Variants in STXBP5 observed in about 807,000 individuals in gnomAD.
STXBP5 encodes syntaxin-binding protein 5.
A neutral mutation model predicts 152.4 loss-of-function variants in STXBP5; 50 were observed. That is an observed-to-expected ratio of 0.33 (90% CI 0.26 to 0.42). The LOEUF is 0.42. Ranked by LOEUF, STXBP5 falls within the 10% of genes least tolerant of loss-of-function variation. The pLI is 1.00. For missense variants in STXBP5, 1,167 were observed against 1,388.6 expected (o/e 0.84, Z 2.54); for synonymous variants, 492 against 494.7 (o/e 0.99, Z 0.07).
intron 26 of STXBP5, among the ~76,000 whole-genome samples, chr6:147,378,943 T>A (rs1416099987): frequency 3.9e-5 from 6 of 152,152 alleles, no homozygotes; most frequent in Admixed American, 1.3e-4. Flanking sequence ...TTCCCATGGC[T>A]GTGTTTCTTG....
At chr6:147,375,410 T>C (rs1409277632) in intron 26 of STXBP5, among the ~76,000 whole-genome samples, 1 of 151,946 alleles carries the variant, frequency 6.6e-6, no homozygotes, top group African/African-American at 2.4e-5. Context: ...AAAAACCCAA[T>C]AGATAGGCTT....
At chr6:147,358,063 G>A (rs900391894) in intron 22 of STXBP5, among the ~76,000 whole-genome samples, 2 of 152,142 alleles carry the variant, frequency 1.3e-5, no homozygotes, top group Non-Finnish European at 2.9e-5. Flanking sequence ...AAAGGAATTT[G>A]CCTGGTATCA....
chr6:147,269,428 T>C (rs1051271379), intron 7 of STXBP5, among the ~76,000 whole-genome samples: 1 of 152,080 alleles, frequency 6.6e-6, no homozygotes, highest in Non-Finnish European at 1.5e-5. Flanking sequence ...TAGAAGAATA[T>C]GAATAGTAGC....
At position 147,204,731 on chromosome 6, in the gene STXBP5, T is replaced by G. The variant is rs1045199674; in HGVS notation, c.150+49T>G. 5 of 1,516,646 alleles carry G rather than the reference T, an allele frequency of 3.3e-6. No individual in the cohort carries two copies. The highest frequency in any genetic ancestry group is 2.8e-5 in the African/African-American group (2 of 71,060). The allele number at this position is 1,516,646 out of a possible 1,614,324, so 93.9% of individuals were successfully genotyped here. A position where few individuals can be genotyped will look rare whatever the true frequency, so the allele number is the denominator to read the frequency against. Reference sequence around the variant, plus strand: ...GACACCGTCATTGAAAAATTGGGGTTGTTTTAAGGGGGCTACTCGGGCTTT... The same window carrying G: ...GACACCGTCATTGAAAAATTGGGGTGGTTTTAAGGGGGCTACTCGGGCTTT... On this transcript the variant is annotated intron_variant, in intron 1 of 27. Transcript: ENST00000321680. The surrounding 1 kb of genome is among the most constrained non-coding windows in gnomAD (Gnocchi z 4.3).
intron 18 of STXBP5, among the ~76,000 whole-genome samples, chr6:147,333,589 T>C (rs567289968): frequency 1.3e-4 from 20 of 152,298 alleles, no homozygotes; most frequent in African/African-American, 4.6e-4. Context: ...AAAAAACTAA[T>C]ATGTGCCTCA....
chr6:147,256,206 T>C (rs1779354846), intron 4 of STXBP5, among the ~76,000 whole-genome samples: 1 of 152,226 alleles, frequency 6.6e-6, no homozygotes, highest in Admixed American at 6.5e-5. Flanking sequence ...CCACTGCTGC[T>C]GCTCCATAAG....
At position 147,334,167 on chromosome 6, in the gene STXBP5, T is replaced by G; in HGVS notation, c.2091T>G (p.Cys697Trp). 1 of 1,612,890 alleles carries G rather than the reference T, an allele frequency of 6.2e-7. No homozygotes were observed. The highest frequency in any genetic ancestry group is 8.5e-7 in the Non-Finnish European group (1 of 1,179,542). ...KSRQPSGAGLCDISEGTVVPE... is the reference protein window; with the variant it reads ...KSRQPSGAGLWDISEGTVVPE... ...GTTTTTGTTTTGTAGCCGGTCTGTG[T>G]GATATTAGTGAAGGGACTGTTGTTC... The change falls in exon 19 of 28, where the codon TGT becomes TGG. Residue 697 changes from cysteine (C) to tryptophan (W), a missense_variant. This residue lies in a region of STXBP5 where 833 missense variants were observed against 986.3 expected (regional missense o/e 0.84). Coordinates refer to ENST00000321680, the MANE Select transcript of STXBP5 (RefSeq NM_001127715.4).
chr6:147,315,745 T>C lies in STXBP5; in HGVS notation c.1623+10T>C. 1 of 1,594,892 alleles carries C rather than the reference T, an allele frequency of 6.3e-7. No individual in the cohort carries two copies. The highest frequency in any genetic ancestry group is 1.1e-5 in the South Asian group (1 of 90,254). On this transcript the variant is annotated intron_variant, in intron 15 of 27. Coordinates refer to ENST00000321680, the MANE Select transcript of STXBP5 (RefSeq NM_001127715.4). Reference sequence around the variant, plus strand: ...CACAGAAGTCATTCCGGTAATAACGTCTTAGTTATTTTCATGGTCAAGTTA... The same window carrying C: ...CACAGAAGTCATTCCGGTAATAACGCCTTAGTTATTTTCATGGTCAAGTTA...
intron 4 of STXBP5, among the ~76,000 whole-genome samples, chr6:147,248,540 A>G (rs1201042483): frequency 2.0e-5 from 3 of 152,166 alleles, no homozygotes; most frequent in Non-Finnish European, 4.4e-5. Context: ...TGTTAGTTAG[A>G]TTGTGATGCA....
intron 4 of STXBP5, among the ~76,000 whole-genome samples, chr6:147,239,472 T>A (rs186560734): frequency 6.6e-6 from 1 of 152,340 alleles, no homozygotes; most frequent in African/African-American, 2.4e-5. Context: ...TAAATTTCTT[T>A]TGTGTCCTTC....
intron 23 of STXBP5, among the ~76,000 whole-genome samples, chr6:147,361,938 G>C (rs183691966): frequency 6.6e-6 from 1 of 152,156 alleles, no homozygotes; most frequent in African/African-American, 2.4e-5. Flanking sequence ...CTACAAAGCT[G>C]CTTAAAATAG....
intron 9 of STXBP5, among the ~76,000 whole-genome samples, chr6:147,302,901 A>G (rs1248441336): frequency 2.0e-5 from 3 of 152,188 alleles, no homozygotes; most frequent in South Asian, 2.1e-4. Context: ...CATAGTAAAT[A>G]CAAATATAGG....
intron 2 of STXBP5, among the ~76,000 whole-genome samples, chr6:147,226,298 C>CA (rs58977863): frequency 0.1 from 9,309 of 90,378 alleles, 390 homozygotes; most frequent in African/African-American, 0.17. Flanking sequence ...GATACCCTTA[C>CA]AAAAAAAAAA....
At chr6:147,238,152 G>T (rs1259768907) in intron 3 of STXBP5, among the ~76,000 whole-genome samples, 1 of 152,114 alleles carries the variant, frequency 6.6e-6, no homozygotes, top group African/African-American at 2.4e-5. Flanking sequence ...TATAAAGAAA[G>T]AAATTTATTT....
At chr6:147,216,376 A>T (rs1242867456) in intron 2 of STXBP5, among the ~76,000 whole-genome samples, 2 of 152,208 alleles carry the variant, frequency 1.3e-5, no homozygotes. Context: ...TGAGCGATAG[A>T]GTGAGACTCC....
At chr6:147,291,057 A>G (rs1244232664) in intron 8 of STXBP5, 37 bp from the exon 9 acceptor site, 2 of 1,500,044 alleles carry the variant, frequency 1.3e-6, no homozygotes, top group Non-Finnish European at 1.8e-6. Context: ...AGAGTAACTT[A>G]GAATTTTAGA....
chr6:147,309,245 A>G lies in STXBP5; in HGVS notation c.918-839A>G, dbSNP rs1438841475. 3.9e-5 allele frequency among the ~76,000 whole-genome samples: 6 copies of G among 152,298 alleles called. 1 individual carries two copies. In the South Asian group the frequency reaches 1.2e-3, roughly 32 times the overall value. ...TAGATACACTGACCTTAGATTAAGC[A>G]TTTAAAAACTAAGAAATCATAAATG... On this transcript the variant is annotated intron_variant, in intron 9 of 27. Coordinates refer to ENST00000321680, the MANE Select transcript of STXBP5 (RefSeq NM_001127715.4).
chr6:147,360,549 A>T (rs1785017851), intron 23 of STXBP5, among the ~76,000 whole-genome samples: 1 of 152,172 alleles, frequency 6.6e-6, no homozygotes, highest in African/African-American at 2.4e-5. Context: ...TAAAAGTTAC[A>T]ATAATGCATT....
intron 6 of STXBP5, among the ~76,000 whole-genome samples, chr6:147,265,910 TAA>T (rs551469232): frequency 6.9e-6 from 1 of 145,716 alleles, no homozygotes; most frequent in Admixed American, 6.9e-5. Context: ...TCCTTCGAAT[TAA>T]AAAAAAAAAG....
Sources: gnomAD v4.1 joint callset for allele counts (sites outside exome capture counted in the v4.1 genomes callset) on GRCh38, gnomAD v4.1.1 for gene constraint, gnomAD v4.1.1 regional missense constraint, Gnocchi (gnomAD v3.1) non-coding constraint, MANE v1.5 for transcripts, NCBI Gene and HGNC (gene_info 2026-07-23, HGNC 2026-07-21) for gene names.